Variants in ZNF729 observed in about 807,000 individuals in gnomAD.
ZNF729 encodes the protein zinc finger protein 729.
ZNF729 carries 15 observed loss-of-function variants against 12.2 expected under a neutral mutation model. The observed-to-expected ratio is 1.23, with a 90% CI of 0.82 to 1.89. The LOEUF is 1.89. Among genes scored for constraint, ZNF729 ranks in the 40% most tolerant of loss-of-function variants. The pLI, the probability that ZNF729 is intolerant of heterozygous loss-of-function variation, is 0.00. For missense variants in ZNF729, 1,540 were observed against 1,456.7 expected (o/e 1.06, Z -0.93); for synonymous variants, 492 against 476.3 (o/e 1.03, Z -0.43).
At chr19:22,294,685 C>G (rs1386998354) in intron 1 of ZNF729, among the ~76,000 whole-genome samples, 7 of 118,010 alleles carry the variant, frequency 5.9e-5, no homozygotes, top group African/African-American at 2.3e-4. Flanking sequence ...GAGTCCGAGT[C>G]TCACTCTGTC....
In ZNF729 at chr19:22,314,730, G is replaced by A. The variant is rs1968502804; in HGVS notation, c.1313G>A (p.Gly438Asp). The change falls in exon 4 of 4, where the codon GGC becomes GAC. Residue 438 changes from glycine (G) to aspartate (D), a missense_variant. By Grantham distance (94) the Gly-to-Asp change is moderately conservative (BLOSUM62 -1). Transcript: ENST00000601693. The part of the protein sequence containing the change: ...GKKPYKCEEC[G>D]KAFNSSSTLM... ...AAACCCTACAAATGTGAAGAATGTG[G>A]CAAAGCTTTTAACAGTTCCTCAACC... The A allele has an allele frequency of 6.2e-7, 1 of 1,613,388 alleles. No individual in the cohort carries two copies. Among genetic ancestry groups the A allele is most frequent in the Admixed American group, 1.7e-5 (1 of 59,998 alleles).
intron 3 of ZNF729, among the ~76,000 whole-genome samples, chr19:22,307,531 G>GT (rs1489267281): frequency 6.6e-6 from 1 of 151,052 alleles, no homozygotes; most frequent in Non-Finnish European, 1.5e-5. Context: ...ATCACCTGGG[G>GT]TATGGAGTTT....
At position 22,304,806 on chromosome 19, in the gene ZNF729, G is replaced by A. The variant is rs145589124; in HGVS notation, c.253+23G>A. ...CAGGTATGTGAGAGTGAATACAACA[G>A]ACAACACAGATAAGAGGTCCAGAGG... On this transcript the variant is annotated intron_variant, in intron 3 of 3. Coordinates refer to ENST00000601693, the MANE Select transcript of ZNF729 (RefSeq NM_001242680.2). The A allele has an allele frequency of 4.5e-4, 727 of 1,607,996 alleles. 4 individuals carry two copies. In the African/African-American group the frequency reaches 8.9e-3, roughly 20 times the overall value.
chr19:22,304,258 C>G (rs1287277313), intron 2 of ZNF729, among the ~76,000 whole-genome samples: 19 of 152,116 alleles, frequency 1.2e-4, no homozygotes. Context: ...CCAGGATGGT[C>G]TTGATCTGTT....
In ZNF729 at chr19:22,286,515, C is replaced by T. The variant is rs1407466302; in HGVS notation, c.-11C>T. The T allele has an allele frequency of 6.2e-7, 1 of 1,613,282 alleles. No individual in the cohort carries two copies. Among genetic ancestry groups the T allele is most frequent in the East Asian group, 2.2e-5 (1 of 44,818 alleles). ...CCTGTAACCTGCGGCATTGGAAGAT[C>T]CACAGCTAACATGCCAGGTGCCCCT... On this transcript the variant is annotated 5_prime_UTR_variant, in exon 1 of 4. Transcript: ENST00000601693.
At position 22,316,759 on chromosome 19, in the gene ZNF729, C is replaced by T. The variant is rs1326079491; in HGVS notation, c.3342C>T (p.Asn1114=). ...GTGACGAATGTGGCAAAGCTTTTAACAATTCCTCAACCCTTACGAAACATA... is the reference window on the plus strand; with the variant it reads ...GTGACGAATGTGGCAAAGCTTTTAATAATTCCTCAACCCTTACGAAACATA... ...YQCDECGKAF[N]NSSTLTKHKI... Residue 1114 remains asparagine (N), a synonymous_variant, in exon 4 of 4, where the codon AAC becomes AAT. Transcript: ENST00000601693. The T allele has an allele frequency of 6.2e-7, 1 of 1,612,308 alleles. No homozygotes were observed. Among genetic ancestry groups the T allele is most frequent in the Non-Finnish European group, 8.5e-7 (1 of 1,179,598 alleles).
At position 22,306,385 on chromosome 19, in the gene ZNF729, C is replaced by T. The variant is rs949526929; in HGVS notation, c.253+1602C>T. On this transcript the variant is annotated intron_variant, in intron 3 of 3. Coordinates refer to ENST00000601693, the MANE Select transcript of ZNF729 (RefSeq NM_001242680.2). ...ACCCGGAGGTGCAGGTTGTGGTGAG[C>T]TGAGATCATGCCACTGTGCACCAGC... Among the ~76,000 whole-genome samples the T allele has an allele frequency of 3.1e-4, 47 of 149,752 alleles. 1 individual carries two copies. Among genetic ancestry groups the T allele is most frequent in the African/African-American group, 8.6e-4 (35 of 40,676 alleles).
chr19:22,315,343 C>G lies in ZNF729; in HGVS notation c.1926C>G (p.His642Gln), dbSNP rs759328592. Residue 642 changes from histidine (H) to glutamine (Q), a missense_variant, in exon 4 of 4, where the codon CAC becomes CAG. Transcript: ENST00000601693. ...ECGKAFRQSS[H>Q]LTRHKAIHTG... ...GCAAAGCTTTTAGGCAATCCTCACA[C>G]CTTACTAGACATAAAGCAATTCATA... is the stretch of plus-strand genomic sequence containing the variant. 1 of 1,612,948 alleles carries G rather than the reference C, an allele frequency of 6.2e-7. No individual in the cohort carries two copies. Among genetic ancestry groups the G allele is most frequent in the African/African-American group, 1.3e-5 (1 of 74,822 alleles).
Position 22,316,913 on chromosome 19 carries a change from G to A in ZNF729, c.3496G>A (p.Gly1166Ser), listed in dbSNP as rs751265664. ...VEKPYKCEEC[G>S]KAFNQSSHLT... ...GAAACCCTACAAATGTGAAGAATGT[G>A]GCAAAGCCTTTAACCAGTCCTCACA... The change falls in exon 4 of 4, where the codon GGC (glycine) becomes AGC (serine). Residue 1166 changes from glycine (G) to serine (S), a missense_variant. Coordinates refer to ENST00000601693, the MANE Select transcript of ZNF729 (RefSeq NM_001242680.2). The A allele has an allele frequency of 1.2e-6, 2 of 1,612,888 alleles. No homozygotes were observed. The highest frequency in any genetic ancestry group is 2.7e-5 in the African/African-American group (2 of 74,860).
intron 1 of ZNF729, among the ~76,000 whole-genome samples, chr19:22,300,455 A>C (rs1968289845): frequency 6.6e-6 from 1 of 152,214 alleles, no homozygotes; most frequent in Non-Finnish European, 1.5e-5. Flanking sequence ...GTTTCACAAA[A>C]ACTGTCTAGA....
Position 22,286,507 on chromosome 19 carries a change from T to C in ZNF729, c.-19T>C. On this transcript the variant is annotated 5_prime_UTR_variant, in exon 1 of 4. Transcript: ENST00000601693. ...TCTGTGGCCCTGTAACCTGCGGCATTGGAAGATCCACAGCTAACATGCCAG... is the reference window on the plus strand; with the variant it reads ...TCTGTGGCCCTGTAACCTGCGGCATCGGAAGATCCACAGCTAACATGCCAG... 2.5e-6 allele frequency: 4 copies of C among 1,613,160 alleles called. No individual in the cohort carries two copies. The highest frequency in any genetic ancestry group is 3.4e-6 in the Non-Finnish European group (4 of 1,179,918).
At chr19:22,294,210 A>G (rs1055021021) in intron 1 of ZNF729, among the ~76,000 whole-genome samples, 2 of 152,228 alleles carry the variant, frequency 1.3e-5, no homozygotes, top group African/African-American at 4.8e-5. Context: ...TCCCAGCACC[A>G]TTTATTAAAT....
In ZNF729 at chr19:22,316,152, A is replaced by G; in HGVS notation, c.2735A>G (p.Glu912Gly). The G allele has an allele frequency of 6.3e-7, 1 of 1,579,032 alleles. No homozygotes were observed. Among genetic ancestry groups the G allele is most frequent in the Admixed American group, 1.7e-5 (1 of 59,222 alleles). ...HTAEKPCKCE[E>G]CGKAFKHFSA... Reference sequence around the variant, plus strand: ...GCAGAGAAACCCTGTAAATGTGAAGAATGTGGCAAAGCTTTTAAGCATTTC... The same window carrying G: ...GCAGAGAAACCCTGTAAATGTGAAGGATGTGGCAAAGCTTTTAAGCATTTC... The change falls in exon 4 of 4, where the codon GAA (glutamate) becomes GGA (glycine). Residue 912 changes from glutamate (E) to glycine (G), a missense_variant. Transcript: ENST00000601693.
chr19:22,315,363 T>A lies in ZNF729; in HGVS notation c.1946T>A (p.Ile649Asn). 6.2e-7 allele frequency: 1 copy of A among 1,613,534 alleles called. No homozygotes were observed. The highest frequency in any genetic ancestry group is 8.5e-7 in the Non-Finnish European group (1 of 1,179,808). Residue 649 changes from isoleucine (I) to asparagine (N), a missense_variant, in exon 4 of 4, where the codon ATT becomes AAT. By Grantham distance (149) the Ile-to-Asn change is moderately radical. Transcript: ENST00000601693. ...QSSHLTRHKA[I>N]HTGEKPYKCE... is the part of the protein sequence containing the mutation. ...TCACACCTTACTAGACATAAAGCAATTCATACTGGAGAGAAACCTTACAAA... is the reference window on the plus strand; with the variant it reads ...TCACACCTTACTAGACATAAAGCAAATCATACTGGAGAGAAACCTTACAAA...
chr19:22,314,884 A>T lies in ZNF729; in HGVS notation c.1467A>T (p.Lys489Asn), dbSNP rs780530544. The T allele has an allele frequency of 5.6e-6, 9 of 1,613,216 alleles. No individual in the cohort carries two copies. Among genetic ancestry groups the T allele is most frequent in the Non-Finnish European group, 7.6e-6 (9 of 1,179,838 alleles). The change falls in exon 4 of 4, where the codon AAA (lysine) becomes AAT (asparagine). Residue 489 changes from lysine (K) to asparagine (N), a missense_variant. Physicochemically the swap from Lys to Asn is moderately conservative, Grantham distance 94. Transcript: ENST00000601693. ...KAIHTGEKPY[K>N]CEECGKAFNH... ...TTCATACTGGAGAGAAACCCTACAA[A>T]TGTGAAGAATGTGGCAAAGCTTTTA...
At position 22,316,279 on chromosome 19, in the gene ZNF729, T is replaced by G; in HGVS notation, c.2862T>G (p.His954Gln). The G allele has an allele frequency of 1.2e-6, 2 of 1,613,644 alleles. No individual in the cohort carries two copies. The highest frequency in any genetic ancestry group is 1.7e-6 in the Non-Finnish European group (2 of 1,179,752). The change falls in exon 4 of 4, where the codon CAT (histidine) becomes CAG (glutamine). Residue 954 changes from histidine (H) to glutamine (Q), a missense_variant. Coordinates refer to ENST00000601693, the MANE Select transcript of ZNF729 (RefSeq NM_001242680.2). ...ATGATTCCTCAACCCTTATGAAGCA[T>G]AAGATAATTCATACTGGGAAGAAAC... ...AFNDSSTLMK[H>Q]KIIHTGKKPY...
rs765977407 is a variant in ZNF729 at position 22,304,698 on chromosome 19, C to T, written c.168C>T (p.Val56=). 4 of 1,612,538 alleles carry T rather than the reference C, an allele frequency of 2.5e-6. No individual in the cohort carries two copies. Among genetic ancestry groups the T allele is most frequent in the African/African-American group, 1.3e-5 (1 of 74,976 alleles). The change falls in exon 3 of 4, where the codon GTC becomes GTT. Residue 56 remains valine (V), a synonymous_variant. Transcript: ENST00000601693. The part of the protein sequence containing the change: ...YRNLVFLGMA[V]FKPDLITCLK... The stretch of plus-strand genomic sequence containing the variant: ...TTTTTAATAAAACAGGTATGGCTGT[C>T]TTTAAGCCAGACTTGATAACTTGTC...
intron 1 of ZNF729, among the ~76,000 whole-genome samples, chr19:22,288,188 TA>T (rs1335379420): frequency 7.9e-5 from 12 of 152,198 alleles, no homozygotes; most frequent in Non-Finnish European, 1.8e-4. Flanking sequence ...ATGTTTTAAT[TA>T]TTTTTTAACA....
chr19:22,292,527 C>G (rs1169781060), intron 1 of ZNF729, among the ~76,000 whole-genome samples: 5 of 151,948 alleles, frequency 3.3e-5, no homozygotes, highest in African/African-American at 1.2e-4. Flanking sequence ...CAGCCTCAAC[C>G]TCCTGGGCTC....
Sources: gnomAD v4.1 joint callset for allele counts (sites outside exome capture counted in the v4.1 genomes callset) on GRCh38, gnomAD v4.1.1 for gene constraint, MANE v1.5 for transcripts, NCBI Gene and HGNC (gene_info 2026-07-23, HGNC 2026-07-21) for gene names.